The following PCOLCE2 variants were observed in gnomAD, a reference collection of about 807,000 sequenced individuals.
PCOLCE2 encodes procollagen C-endopeptidase enhancer 2.
A neutral mutation model predicts 47.0 loss-of-function variants in PCOLCE2; 42 were observed. The ratio of observed to expected loss-of-function variants is 0.89; its 90% confidence interval spans 0.70 to 1.16. PCOLCE2 has a LOEUF of 1.16. Ranked by LOEUF, PCOLCE2 falls within the 50% of genes most tolerant of loss-of-function variation. The pLI, the probability that PCOLCE2 is intolerant of heterozygous loss-of-function variation, is 0.00. For synonymous variants in PCOLCE2, 169 were observed against 191.7 expected (o/e 0.88, Z 0.98); for missense variants, 500 against 526.1 (o/e 0.95, Z 0.49).
At chr3:142,824,058 G>A (rs563286616) in intron 6 of PCOLCE2, among the ~76,000 whole-genome samples, 24 of 152,286 alleles carry the variant, frequency 1.6e-4, no homozygotes, top group African/African-American at 5.1e-4. Context: ...GCCTAAACAT[G>A]AGTAGCATAG....
At chr3:142,830,905 C>A (rs1322487774) in intron 5 of PCOLCE2, among the ~76,000 whole-genome samples, 1 of 152,214 alleles carries the variant, frequency 6.6e-6, no homozygotes, top group Non-Finnish European at 1.5e-5. Context: ...ATCATGGACA[C>A]CAAATAATGA....
intron 3 of PCOLCE2, chr3:142,843,375 CAT>C: frequency 2.2e-6 from 1 of 450,092 alleles, no homozygotes; most frequent in South Asian, 1.6e-5. Flanking sequence ...CTCAAAAAAT[CAT>C]AGAGATGTTA....
intron 7 of PCOLCE2, among the ~76,000 whole-genome samples, chr3:142,822,261 G>C (rs1937024166): frequency 6.6e-6 from 1 of 152,004 alleles, no homozygotes; most frequent in South Asian, 2.1e-4. Context: ...AAAATCAGTA[G>C]CAGTTCCTAG....
At chr3:142,868,060 G>GATA (rs889790445) in intron 2 of PCOLCE2, among the ~76,000 whole-genome samples, 1 of 152,146 alleles carries the variant, frequency 6.6e-6, no homozygotes, top group African/African-American at 2.4e-5. Flanking sequence ...AGGAAACAAT[G>GATA]ATAATTCTTT....
chr3:142,821,170 A>T, intron 7 of PCOLCE2, 125 bp from the exon 8 acceptor site: 1 of 717,746 alleles, frequency 1.4e-6, no homozygotes, highest in South Asian at 2.0e-5. Flanking sequence ...AAAGGCCCTC[A>T]TAGAGGTTTC....
intron 6 of PCOLCE2, chr3:142,827,164 C>A: frequency 7.0e-7 from 1 of 1,425,150 alleles, no homozygotes; most frequent in Non-Finnish European, 9.8e-7. Flanking sequence ...GCAATGAGAC[C>A]CATTTTGCAG....
chr3:142,835,497 A>C (rs1421011728), intron 5 of PCOLCE2, among the ~76,000 whole-genome samples: 1 of 152,200 alleles, frequency 6.6e-6, no homozygotes, highest in African/African-American at 2.4e-5. Context: ...TGTAAACAAC[A>C]TATAACTGGA....
intron 2 of PCOLCE2, among the ~76,000 whole-genome samples, chr3:142,852,643 C>A (rs1932973987): frequency 7.0e-6 from 1 of 142,108 alleles, no homozygotes; most frequent in Non-Finnish European, 1.5e-5. Context: ...CCATGCTGAT[C>A]AAAATGTGTG....
chr3:142,866,924 C>G (rs1232627800), intron 2 of PCOLCE2, among the ~76,000 whole-genome samples: 1 of 152,238 alleles, frequency 6.6e-6, no homozygotes, highest in Non-Finnish European at 1.5e-5. Flanking sequence ...GCAGTTCCCA[C>G]TCCCTTTTCT....
chr3:142,847,864 A>G (rs961467886), intron 3 of PCOLCE2, among the ~76,000 whole-genome samples: 1 of 152,158 alleles, frequency 6.6e-6, no homozygotes, highest in Admixed American at 6.5e-5. Flanking sequence ...AAGCTATTGT[A>G]TAAGTACTCA....
chr3:142,867,375 C>T (rs1255598583), intron 2 of PCOLCE2, among the ~76,000 whole-genome samples: 2 of 152,148 alleles, frequency 1.3e-5, no homozygotes, highest in South Asian at 2.1e-4. Flanking sequence ...AAAGTAGTAA[C>T]TGCAAGAGTT....
intron 5 of PCOLCE2, among the ~76,000 whole-genome samples, chr3:142,832,414 G>A (rs72992660): frequency 0.062 from 9,357 of 152,108 alleles, 386 homozygotes; most frequent in African/African-American, 0.12. Flanking sequence ...CCCAACTCAA[G>A]GTTTTGGCTG....
At chr3:142,825,416 C>T (rs1418277326) in intron 6 of PCOLCE2, among the ~76,000 whole-genome samples, 1 of 152,146 alleles carries the variant, frequency 6.6e-6, no homozygotes, top group East Asian at 1.9e-4. Context: ...TCAGCCCTCC[C>T]TGGCTGTGTT....
intron 3 of PCOLCE2, among the ~76,000 whole-genome samples, chr3:142,845,870 G>C (rs186356824): frequency 2.1e-3 from 325 of 152,234 alleles, no homozygotes; most frequent in African/African-American, 6.4e-3. Flanking sequence ...AGCTGCTTGA[G>C]AGGTTGAGGC....
At chr3:142,881,462 T>C (rs181699375) in intron 2 of PCOLCE2, among the ~76,000 whole-genome samples, 36 of 152,344 alleles carry the variant, frequency 2.4e-4, no homozygotes, top group African/African-American at 8.4e-4. Context: ...TCATGCATTG[T>C]TTAATGATGG....
chr3:142,828,601 T>C (rs1016889245), intron 6 of PCOLCE2, among the ~76,000 whole-genome samples: 5 of 152,038 alleles, frequency 3.3e-5, no homozygotes, highest in Admixed American at 6.5e-5. Context: ...CTTGGGAAAA[T>C]AGGTGGAGAA....
chr3:142,883,449 C>T (rs1241084655), intron 2 of PCOLCE2, among the ~76,000 whole-genome samples: 2 of 151,542 alleles, frequency 1.3e-5, no homozygotes, highest in African/African-American at 4.8e-5. Context: ...AATGGAGTCT[C>T]GCTCTTGTTG....
intron 3 of PCOLCE2, among the ~76,000 whole-genome samples, chr3:142,847,172 C>T (rs889384177): frequency 1.3e-5 from 2 of 152,170 alleles, no homozygotes; most frequent in South Asian, 4.1e-4. Flanking sequence ...AATCTCTTTT[C>T]AGTTCTTTCA....
intron 6 of PCOLCE2, among the ~76,000 whole-genome samples, chr3:142,828,732 A>G (rs1358108855): frequency 6.6e-6 from 1 of 152,244 alleles, no homozygotes; most frequent in Non-Finnish European, 1.5e-5. Flanking sequence ...TTTCAGAGAA[A>G]GTTGAGGATG....
Sources: gnomAD v4.1 joint callset for allele counts (sites outside exome capture counted in the v4.1 genomes callset) on GRCh38, gnomAD v4.1.1 for gene constraint, MANE v1.5 for transcripts, NCBI Gene and HGNC (gene_info 2026-07-23, HGNC 2026-07-21) for gene names.